Variants in KCNH1 observed in about 807,000 individuals in gnomAD.
KCNH1 encodes voltage-gated delayed rectifier potassium channel KCNH1.
A neutral mutation model predicts 69.2 loss-of-function variants in KCNH1; 27 were observed. The ratio of observed to expected loss-of-function variants is 0.39; its 90% CI spans 0.29 to 0.54. The LOEUF (loss-of-function observed/expected upper bound fraction) is 0.54. Among genes scored for constraint, KCNH1 ranks in the 20% least tolerant of loss-of-function variants. The pLI, the probability that KCNH1 is intolerant of heterozygous loss-of-function variation, is 0.68. For synonymous variants in KCNH1, 456 were observed against 487.7 expected (o/e 0.93, Z 0.86); for missense variants, 798 against 1,261.6 (o/e 0.63, Z 5.57).
chr1:211,084,115 G>A (rs1254444880), intron 4 of KCNH1, among the ~76,000 whole-genome samples: 3 of 152,166 alleles, frequency 2.0e-5, no homozygotes, highest in Admixed American at 2.0e-4. Context: ...TACACATAGT[G>A]GTTTCACTGT....
rs182221948 is a variant in KCNH1, at chr1:210,767,124, C to T, written c.2112+8224G>A. ...GTCCAAAAAACTTGGCAGATGGGTT[C>T]GAAATGTAAAATTTGGCTAGGCCAA... On this transcript the variant is annotated intron_variant, in intron 10 of 10. Transcript: ENST00000271751. 6.6e-4 allele frequency among the ~76,000 whole-genome samples: 101 copies of T among 152,216 alleles called. 1 individual carries two copies. Among genetic ancestry groups the T allele is most frequent in the African/African-American group, 2.1e-3 (86 of 41,520 alleles).
chr1:210,885,107 C>T (rs1558510840), intron 7 of KCNH1, among the ~76,000 whole-genome samples: 1 of 152,232 alleles, frequency 6.6e-6, no homozygotes, highest in Non-Finnish European at 1.5e-5. Context: ...ACCATAAACC[C>T]GTTATATCAG....
intron 6 of KCNH1, among the ~76,000 whole-genome samples, chr1:210,999,148 A>G (rs1396682307): frequency 6.6e-6 from 1 of 152,210 alleles, no homozygotes. Context: ...GCAGAAGACA[A>G]GAAATAACTA....
intron 5 of KCNH1, among the ~76,000 whole-genome samples, chr1:211,039,210 G>C (rs1341391167): frequency 6.6e-6 from 1 of 152,238 alleles, no homozygotes; most frequent in Non-Finnish European, 1.5e-5. Flanking sequence ...AGCCTTAGCA[G>C]CTTCCACATG....
At chr1:210,928,472 G>C (rs1328634648) in intron 6 of KCNH1, among the ~76,000 whole-genome samples, 1 of 152,112 alleles carries the variant, frequency 6.6e-6, no homozygotes, top group African/African-American at 2.4e-5. Context: ...TGATCATTGG[G>C]TCAACAATGA....
At chr1:211,114,892 C>A (rs1691538641) in intron 1 of KCNH1, among the ~76,000 whole-genome samples, 1 of 152,118 alleles carries the variant, frequency 6.6e-6, no homozygotes, top group South Asian at 2.1e-4. Context: ...GGAAATATAT[C>A]CCATGTTCAT....
At chr1:210,973,456 T>C (rs1411197355) in intron 6 of KCNH1, among the ~76,000 whole-genome samples, 2 of 152,126 alleles carry the variant, frequency 1.3e-5, no homozygotes, top group Non-Finnish European at 2.9e-5. Context: ...TCAAACATGA[T>C]TCCCATCCAT....
At chr1:211,042,479 C>T (rs1690014529) in intron 5 of KCNH1, among the ~76,000 whole-genome samples, 2 of 152,222 alleles carry the variant, frequency 1.3e-5, no homozygotes, top group African/African-American at 2.4e-5. Context: ...ACAATTAGTA[C>T]TAGACCTAAG....
At chr1:211,073,915 A>C (rs1209693980) in intron 5 of KCNH1, among the ~76,000 whole-genome samples, 2 of 151,960 alleles carry the variant, frequency 1.3e-5, no homozygotes, top group East Asian at 3.9e-4. Context: ...CAAAACCAAA[A>C]GCTCATTCTT....
intron 7 of KCNH1, among the ~76,000 whole-genome samples, chr1:210,821,867 T>C (rs1270523563): frequency 2.0e-5 from 3 of 151,664 alleles, no homozygotes; most frequent in African/African-American, 7.3e-5. Context: ...GATGGGGTCT[T>C]ACTCTGTCAC....
chr1:211,050,822 A>C (rs12741900), intron 5 of KCNH1, among the ~76,000 whole-genome samples: 1 of 152,024 alleles, frequency 6.6e-6, no homozygotes, highest in Non-Finnish European at 1.5e-5. Context: ...ATGTGAAAAG[A>C]AAATGACATT....
intron 6 of KCNH1, among the ~76,000 whole-genome samples, chr1:210,937,079 C>T (rs745910475): frequency 1.2e-4 from 18 of 152,200 alleles, no homozygotes; most frequent in Admixed American, 4.6e-4. Context: ...TCCCTGCCCT[C>T]CTGCCACATT....
chr1:210,911,586 C>A (rs1574333678), intron 7 of KCNH1, among the ~76,000 whole-genome samples: 1 of 134,006 alleles, frequency 7.5e-6, no homozygotes, highest in African/African-American at 2.8e-5. Flanking sequence ...CTTGCCACAT[C>A]AGATATATAT....
chr1:210,705,918 A>G (rs1310861938), intron 10 of KCNH1, among the ~76,000 whole-genome samples: 3 of 152,210 alleles, frequency 2.0e-5, no homozygotes, highest in African/African-American at 4.8e-5. Flanking sequence ...AATCATAATC[A>G]GCAGCAGCAC....
In KCNH1 at chr1:210,770,705, C is replaced by T. The variant is rs1043146606; in HGVS notation, c.2112+4643G>A. On this transcript the variant is annotated intron_variant, in intron 10 of 10. Coordinates refer to ENST00000271751, the MANE Select transcript of KCNH1 (RefSeq NM_172362.3). ...GGGGTATTACTGTGGTTTTACCGTA[C>T]ATGTTTCTGAGTGTATTGGCGGTGG... 2.0e-5 allele frequency among the ~76,000 whole-genome samples: 3 copies of T among 152,348 alleles called. No homozygotes were observed. In the South Asian group the frequency reaches 6.2e-4, roughly 32 times the overall value.
intron 6 of KCNH1, among the ~76,000 whole-genome samples, chr1:210,954,046 C>A (rs1409706701): frequency 6.6e-6 from 1 of 152,086 alleles, no homozygotes; most frequent in Non-Finnish European, 1.5e-5. Flanking sequence ...ATCTCTCCCC[C>A]AGCCTCCCAG....
chr1:210,744,946 T>C (rs1421964392), intron 10 of KCNH1, among the ~76,000 whole-genome samples: 1 of 152,184 alleles, frequency 6.6e-6, no homozygotes, highest in Non-Finnish European at 1.5e-5. Flanking sequence ...CTCACTCCTG[T>C]AATCCCAGCA....
chr1:210,992,857 T>C (rs1688960787), intron 6 of KCNH1, among the ~76,000 whole-genome samples: 1 of 152,234 alleles, frequency 6.6e-6, no homozygotes, highest in African/African-American at 2.4e-5. Flanking sequence ...CTTTTCTAAA[T>C]AGCCCCAAAT....
chr1:210,729,587 TTAAAG>T (rs1428890501), intron 10 of KCNH1, among the ~76,000 whole-genome samples: 3 of 152,242 alleles, frequency 2.0e-5, no homozygotes, highest in East Asian at 1.9e-4. Flanking sequence ...GGTATAATTT[TTAAAG>T]TAAATCATAT....
Sources: allele counts gnomAD v4.1 joint callset (sites outside exome capture counted in the v4.1 genomes callset), GRCh38; gene constraint gnomAD v4.1.1; transcripts MANE v1.5; gene names NCBI Gene and HGNC (gene_info 2026-07-23, HGNC 2026-07-21).